Variants in LGALS8 observed in about 807,000 individuals in gnomAD.
LGALS8 encodes the protein galectin 8.
In LGALS8, 30 loss-of-function variants were observed where a neutral mutation model predicts 35.9. The observed-to-expected ratio is 0.83, with a 90% CI of 0.62 to 1.13. The LOEUF is 1.13. Ranked by LOEUF, LGALS8 falls within the 50% of genes most tolerant of loss-of-function variation. The pLI is 0.00. For missense variants in LGALS8, 366 were observed against 388.7 expected (o/e 0.94, Z 0.49); for synonymous variants, 138 against 136.1 (o/e 1.01, Z -0.10).
At position 236,548,770 on chromosome 1, in the gene LGALS8, A is replaced by T. The variant is rs1662569473; in HGVS notation, c.*609A>T. 9.0e-6 allele frequency: 3 copies of T among 334,940 alleles called. No individual in the cohort carries two copies. The highest frequency in any genetic ancestry group is 3.8e-5 in the East Asian group (1 of 26,632). 20.7% of individuals were successfully genotyped at this position (334,940 alleles called of 1,614,324 possible). On this transcript the variant is annotated 3_prime_UTR_variant, in exon 10 of 10. Transcript: ENST00000366584. ...TCACTGAGGACTGATGTTGACTGAC[A>T]TCATTTTCTTTATCGTAATAAACAT...
rs945193079 is a variant in LGALS8, at chr1:236,538,863, G to A, written c.135-16G>A. ...TTCTGAGCACTCATGGGGCCCCTGTGTCTTCCCTCATATAGATTCCAGGTG... is the reference window on the plus strand; with the variant it reads ...TTCTGAGCACTCATGGGGCCCCTGTATCTTCCCTCATATAGATTCCAGGTG... On this transcript the variant is annotated splice_polypyrimidine_tract_variant and intron_variant, in intron 3 of 9. Coordinates refer to ENST00000366584, the MANE Select transcript of LGALS8 (RefSeq NM_201544.4). 3.1e-6 allele frequency: 5 copies of A among 1,602,362 alleles called. No individual in the cohort carries two copies. Among genetic ancestry groups the A allele is most frequent in the Non-Finnish European group, 4.3e-6 (5 of 1,170,810 alleles).
chr1:236,548,755 C>G lies in LGALS8; in HGVS notation c.*594C>G. ...CTCTACCGTATCCCATCACTGAGGA[C>G]TGATGTTGACTGACATCATTTTCTT... is the stretch of plus-strand genomic sequence containing the variant. On this transcript the variant is annotated 3_prime_UTR_variant, in exon 10 of 10. Coordinates refer to ENST00000366584, the MANE Select transcript of LGALS8 (RefSeq NM_201544.4). The G allele has an allele frequency of 2.7e-6, 1 of 367,366 alleles. No individual in the cohort carries two copies. The highest frequency in any genetic ancestry group is 4.7e-6 in the Non-Finnish European group (1 of 211,460). 22.8% of individuals were successfully genotyped at this position (367,366 alleles called of 1,614,324 possible). A position where few individuals can be genotyped will look rare whatever the true frequency, so the allele number is the denominator to read the frequency against.
At chr1:236,533,435 A>G (rs1415951573) in intron 2 of LGALS8, among the ~76,000 whole-genome samples, 1 of 151,680 alleles carries the variant, frequency 6.6e-6, no homozygotes, top group African/African-American at 2.4e-5. Context: ...CCTGGGTTCA[A>G]GTGATTCTCC....
chr1:236,521,651 A>G (rs1306229717), upstream of LGALS8, among the ~76,000 whole-genome samples: 1 of 152,068 alleles, frequency 6.6e-6, no homozygotes, highest in African/African-American at 2.4e-5. Context: ...AACATGGTGA[A>G]ACCTCATCTC....
chr1:236,551,208 G>T lies in LGALS8; in HGVS notation c.*3047G>T. 3.9e-6 allele frequency: 2 copies of T among 510,172 alleles called. No individual in the cohort carries two copies. The highest frequency in any genetic ancestry group is 2.9e-5 in the South Asian group (1 of 34,282). 31.6% of individuals were successfully genotyped at this position (510,172 alleles called of 1,614,324 possible). On this transcript the variant is annotated 3_prime_UTR_variant, in exon 10 of 10. Transcript: ENST00000366584. ...TGCCCACAGGCTTGCACTGGAAGCT[G>T]AATAAGAATCCCCAAAACTCAAACT...
chr1:236,548,365 C>CTT lies in LGALS8; in HGVS notation c.*205_*206dup, dbSNP rs1662543094. On this transcript the variant is annotated 3_prime_UTR_variant, in exon 10 of 10. Transcript: ENST00000366584. ...AATGGGGAAACTGGGGGCAGCAACACTTATAGCCAGTTAAAGCCACTCTGC... is the reference window on the plus strand; with the variant it reads ...AATGGGGAAACTGGGGGCAGCAACACTTTTATAGCCAGTTAAAGCCACTCTGC... 1.8e-6 allele frequency: 1 copy of CTT among 563,712 alleles called. No individual in the cohort carries two copies. Among genetic ancestry groups the CTT allele is most frequent in the East Asian group, 3.0e-5 (1 of 32,968 alleles). 34.9% of individuals were successfully genotyped at this position (563,712 alleles called of 1,614,324 possible). A position where few individuals can be genotyped will look rare whatever the true frequency, so the allele number is the denominator to read the frequency against.
In LGALS8 at chr1:236,551,945, T is replaced by C. The variant is rs1662766178; in HGVS notation, c.*3784T>C. 8.3e-7 allele frequency: 1 copy of C among 1,210,054 alleles called. No homozygotes were observed. The allele number at this position is 1,210,054 out of a possible 1,614,324, so 75.0% of individuals were successfully genotyped here. A position where few individuals can be genotyped will look rare whatever the true frequency, so the allele number is the denominator to read the frequency against. ...TATCATTGGGCACATTTTCACAGAA[T>C]TTTACTGAATTATTCCTTAATTGTT... is the stretch of plus-strand genomic sequence containing the variant. On this transcript the variant is annotated 3_prime_UTR_variant, in exon 10 of 10. Transcript: ENST00000366584.
Position 236,524,503 on chromosome 1 carries a change from T to G in LGALS8, c.-104+442T>G, listed in dbSNP as rs532610451. The stretch of plus-strand genomic sequence containing the variant: ...TGACAGTGGAGTGACCTCCATTGCG[T>G]TCCCTGCCTCTAACACGCTCTTTAG... On this transcript the variant is annotated intron_variant, in intron 1 of 9. Coordinates refer to ENST00000366584, the MANE Select transcript of LGALS8 (RefSeq NM_201544.4). The G allele has an allele frequency of 6.7e-6, 3 of 446,972 alleles. No individual in the cohort carries two copies. The East Asian group carries it at 2.1e-4, about 32-fold the overall frequency. The allele number at this position is 446,972 out of a possible 1,614,324, so 27.7% of individuals were successfully genotyped here.
At chr1:236,527,895 C>G (rs1378306645) in intron 2 of LGALS8, among the ~76,000 whole-genome samples, 1 of 151,888 alleles carries the variant, frequency 6.6e-6, no homozygotes. Context: ...GCTACCATGC[C>G]CGGCTAATTT....
At chr1:236,534,957 T>C (rs1412056667) in intron 2 of LGALS8, among the ~76,000 whole-genome samples, 1 of 128,222 alleles carries the variant, frequency 7.8e-6, no homozygotes, top group Non-Finnish European at 1.7e-5. Flanking sequence ...GCTACTTGGA[T>C]GGCTGAGGCA....
chr1:236,535,203 G>A (rs753450781), intron 2 of LGALS8, among the ~76,000 whole-genome samples: 13 of 151,434 alleles, frequency 8.6e-5, no homozygotes, highest in Non-Finnish European at 1.8e-4. Flanking sequence ...CATCTGCAAA[G>A]TATGAAAATA....
In LGALS8 at chr1:236,550,768, G is replaced by GTGAT; in HGVS notation, c.*2608_*2611dup. ...AGCCAGGTGGGGATTTTGTAAAGAAGTGATAAAACATTTGTAAGTAATCCA... is the reference window on the plus strand; with the variant it reads ...AGCCAGGTGGGGATTTTGTAAAGAAGTGATTGATAAAACATTTGTAAGTAATCCA... On this transcript the variant is annotated 3_prime_UTR_variant, in exon 10 of 10. Transcript: ENST00000366584. The GTGAT allele has an allele frequency of 1.5e-6, 1 of 658,244 alleles. No homozygotes were observed. 40.8% of individuals were successfully genotyped at this position (658,244 alleles called of 1,614,324 possible).
intron 7 of LGALS8, 193 bp downstream of exon 7, chr1:236,542,980 T>TA: frequency 6.2e-7 from 1 of 1,614,160 alleles, no homozygotes; most frequent in Non-Finnish European, 8.5e-7. Flanking sequence ...AGAGCAAAGA[T>TA]TCGACTGTCA....
rs1662541026 is a variant in LGALS8 at position 236,548,352 on chromosome 1, G to A, written c.*191G>A. The A allele has an allele frequency of 1.7e-6, 1 of 587,186 alleles. No individual in the cohort carries two copies. Among genetic ancestry groups the A allele is most frequent in the Non-Finnish European group, 3.0e-6 (1 of 336,210 alleles). The allele number at this position is 587,186 out of a possible 1,614,324, so 36.4% of individuals were successfully genotyped here. On this transcript the variant is annotated 3_prime_UTR_variant, in exon 10 of 10. Transcript: ENST00000366584. Reference sequence around the variant, plus strand: ...GTGTCTAGCACTGAATGGGGAAACTGGGGGCAGCAACACTTATAGCCAGTT... The same window carrying A: ...GTGTCTAGCACTGAATGGGGAAACTAGGGGCAGCAACACTTATAGCCAGTT...
chr1:236,543,757 CA>C, intron 8 of LGALS8, 109 bp downstream of exon 8: 1 of 770,998 alleles, frequency 1.3e-6, no homozygotes, highest in Non-Finnish European at 2.3e-6. Context: ...TCAGAATCTT[CA>C]TTTCCAAAGT....
chr1:236,534,367 G>T (rs819427), intron 2 of LGALS8, among the ~76,000 whole-genome samples: 58,843 of 152,076 alleles, frequency 0.39, 12,266 homozygotes, highest in South Asian at 0.54. Flanking sequence ...AAAGCAATAT[G>T]AATCAGCAAG....
In LGALS8 at chr1:236,552,708, A is replaced by C. The variant is rs1662807930; in HGVS notation, c.*4547A>C. On this transcript the variant is annotated 3_prime_UTR_variant, in exon 10 of 10. Transcript: ENST00000366584. Reference sequence around the variant, plus strand: ...AAGCAAGCAGTAGTTGGGTATTGTTAGCTTTTGAAACAAAAGCCCTACTGG... The same window carrying C: ...AAGCAAGCAGTAGTTGGGTATTGTTCGCTTTTGAAACAAAAGCCCTACTGG... 1 of 152,252 alleles carries C rather than the reference A, an allele frequency of 6.6e-6. No individual in the cohort carries two copies. Among genetic ancestry groups the C allele is most frequent in the Non-Finnish European group, 1.5e-5 (1 of 68,042 alleles). 9.4% of individuals were successfully genotyped at this position (152,252 alleles called of 1,614,324 possible).
At chr1:236,529,353 G>A (rs891692710) in intron 2 of LGALS8, among the ~76,000 whole-genome samples, 2 of 151,880 alleles carry the variant, frequency 1.3e-5, no homozygotes, top group Non-Finnish European at 2.9e-5. Context: ...AAGCCGAGGC[G>A]AGAGGATCAC....
At chr1:236,523,176 G>T (rs1172082230), upstream of LGALS8, 6 of 152,126 alleles carry the variant, frequency 3.9e-5, no homozygotes, top group African/African-American at 1.4e-4. Context: ...GAGAAGTCGG[G>T]TATTTAAGAG....
Sources: allele counts gnomAD v4.1 joint callset (sites outside exome capture counted in the v4.1 genomes callset), GRCh38; gene constraint gnomAD v4.1.1; transcripts MANE v1.5; gene names NCBI Gene and HGNC (gene_info 2026-07-23, HGNC 2026-07-21).